The following NELL1 variants were observed in gnomAD, a reference collection of about 807,000 sequenced individuals.
NELL1 encodes the protein protein kinase C-binding protein NELL1.
In NELL1, 76 loss-of-function variants were observed where a neutral mutation model predicts 107.4. That is an observed-to-expected ratio of 0.71 (90% CI 0.59 to 0.86). NELL1 has a LOEUF of 0.86. NELL1 is among the 40% of genes least tolerant of loss of function. The pLI is 0.00. For synonymous variants in NELL1, 353 were observed against 341.2 expected, an observed-to-expected ratio of 1.03 and a Z score of -0.38; for missense variants, 1,024 against 1,005.5, an observed-to-expected ratio of 1.02 and a Z score of -0.25.
At position 20,669,843 on chromosome 11, in the gene NELL1, T is replaced by TG. The variant is rs1323743098; in HGVS notation, c.55+69dup. 1 of 1,356,010 alleles carries TG rather than the reference T, an allele frequency of 7.4e-7. No individual in the cohort carries two copies. The highest frequency in any genetic ancestry group is 1.7e-5 in the Admixed American group (1 of 59,192). The allele number at this position is 1,356,010 out of a possible 1,614,324, so 84.0% of individuals were successfully genotyped here. A position where few individuals can be genotyped will look rare whatever the true frequency, so the allele number is the denominator to read the frequency against. On this transcript the variant is annotated intron_variant, in intron 1 of 19. Transcript: ENST00000357134. This position sits in a 1 kb window ranked among gnomAD's most constrained non-coding sequence, Gnocchi z 4.4. ...GGGGTGCCCACAGACCACGGCGGCG[T>TG]GGGGAGACCTGGAGCCGAGCTTTGC...
At chr11:21,519,910 C>A (rs1298559818) in intron 15 of NELL1, among the ~76,000 whole-genome samples, 1 of 152,098 alleles carries the variant, frequency 6.6e-6, no homozygotes, top group Non-Finnish European at 1.5e-5. Context: ...TCAGAGGTAT[C>A]TTTCATACAT....
rs556002239 is a variant in NELL1, at chr11:20,699,883, T to G, written c.184+21823T>G. On this transcript the variant is annotated intron_variant, in intron 2 of 19. Transcript: ENST00000357134. ...TGTTTTCCATAGTGGTTGTACTGGT[T>G]TACATTCTTACCAGCAGTGTAAAAG... 6.5e-4 allele frequency among the ~76,000 whole-genome samples: 99 copies of G among 152,314 alleles called. 1 individual carries two copies. The highest frequency in any genetic ancestry group is 7.4e-5 in the Non-Finnish European group (5 of 68,024).
chr11:20,713,323 G>A (rs1005510516), intron 2 of NELL1, among the ~76,000 whole-genome samples: 3 of 152,140 alleles, frequency 2.0e-5, no homozygotes, highest in Non-Finnish European at 2.9e-5. Context: ...GACTCTTCTT[G>A]GGTGGGGCTT....
chr11:21,436,470 C>G (rs1254639278), intron 15 of NELL1, among the ~76,000 whole-genome samples: 1 of 152,020 alleles, frequency 6.6e-6, no homozygotes, highest in Admixed American at 6.6e-5. Context: ...ATTTGTTTTT[C>G]TATAGTATCA....
intron 13 of NELL1, among the ~76,000 whole-genome samples, chr11:21,170,471 C>A (rs1163646015): frequency 6.6e-6 from 1 of 151,744 alleles, no homozygotes. Flanking sequence ...TTTTATACCA[C>A]AATATATTGC....
chr11:21,401,648 A>C (rs1302434935), intron 15 of NELL1, among the ~76,000 whole-genome samples: 1 of 151,740 alleles, frequency 6.6e-6, no homozygotes, highest in Non-Finnish European at 1.5e-5. Flanking sequence ...ACTGAAACTT[A>C]ATGGTTAGAG....
chr11:21,234,205 T>C (rs1858140242), intron 14 of NELL1, among the ~76,000 whole-genome samples: 1 of 152,224 alleles, frequency 6.6e-6, no homozygotes, highest in South Asian at 2.1e-4. Flanking sequence ...AATGCAAGCA[T>C]GGGCTCCTAG....
intron 14 of NELL1, chr11:21,284,065 T>C (rs1849056375): frequency 8.1e-6 from 3 of 370,980 alleles, no homozygotes; most frequent in South Asian, 4.1e-5. Flanking sequence ...CCTCCACCTC[T>C]GCCTCACATG....
intron 13 of NELL1, among the ~76,000 whole-genome samples, chr11:21,203,667 G>C (rs1026868992): frequency 2.6e-5 from 4 of 152,084 alleles, no homozygotes. Flanking sequence ...GATGCTAGAT[G>C]GGTATTTTTC....
intron 15 of NELL1, among the ~76,000 whole-genome samples, chr11:21,380,876 A>T (rs1480122450): frequency 6.6e-6 from 1 of 152,072 alleles, no homozygotes; most frequent in Non-Finnish European, 1.5e-5. Flanking sequence ...TGTATTGATG[A>T]TCAGAGGCCT....
chr11:20,769,384 G>A (rs1295950953), intron 2 of NELL1: 1 of 152,244 alleles, frequency 6.6e-6, no homozygotes, highest in Non-Finnish European at 1.5e-5. Flanking sequence ...TGTTTGGGAA[G>A]TTACCAAGGG....
chr11:21,039,045 A>G (rs1331093476), intron 12 of NELL1, among the ~76,000 whole-genome samples: 1 of 152,194 alleles, frequency 6.6e-6, no homozygotes, highest in African/African-American at 2.4e-5. Context: ...AAGAAGGATC[A>G]AAAAGATCAA....
intron 13 of NELL1, among the ~76,000 whole-genome samples, chr11:21,155,770 G>C (rs1856218346): frequency 1.3e-5 from 2 of 152,136 alleles, no homozygotes; most frequent in African/African-American, 4.8e-5. Context: ...TGCTTGGGTG[G>C]AAGGAAATGA....
At chr11:21,190,564 C>G (rs1260360496) in intron 13 of NELL1, among the ~76,000 whole-genome samples, 1 of 151,672 alleles carries the variant, frequency 6.6e-6, no homozygotes, top group Non-Finnish European at 1.5e-5. Flanking sequence ...TCTTAAAATC[C>G]TTGAGAATTT....
intron 3 of NELL1, among the ~76,000 whole-genome samples, chr11:20,836,285 AAC>A (rs1313831651): frequency 6.6e-6 from 1 of 150,890 alleles, no homozygotes; most frequent in African/African-American, 2.4e-5. Context: ...AAAAAAAAAA[AAC>A]CCCAACAATA....
intron 5 of NELL1, among the ~76,000 whole-genome samples, chr11:20,906,816 G>A (rs1268791015): frequency 6.6e-6 from 1 of 151,904 alleles, no homozygotes; most frequent in Non-Finnish European, 1.5e-5. Flanking sequence ...AAAACACTAA[G>A]AAAATGAGCA....
At chr11:20,748,902 A>AT (rs1856066866) in intron 2 of NELL1, among the ~76,000 whole-genome samples, 3 of 147,350 alleles carry the variant, frequency 2.0e-5, no homozygotes, top group African/African-American at 7.9e-5. Context: ...CCATCCATCC[A>AT]CCCAGCCACC....
chr11:21,216,218 C>A (rs1791868), intron 13 of NELL1, among the ~76,000 whole-genome samples: 6 of 152,270 alleles, frequency 3.9e-5, no homozygotes, highest in East Asian at 1.9e-4. Context: ...GTTTGGGAAC[C>A]TCCACCTAGA....
chr11:21,470,040 A>G (rs948743473), intron 15 of NELL1, among the ~76,000 whole-genome samples: 2 of 152,106 alleles, frequency 1.3e-5, no homozygotes, highest in South Asian at 2.1e-4. Flanking sequence ...CCAAGCTTCA[A>G]TAGTAATTAA....
Sources: allele counts gnomAD v4.1 joint callset (sites outside exome capture counted in the v4.1 genomes callset), GRCh38; gene constraint gnomAD v4.1.1; non-coding constraint Gnocchi (gnomAD v3.1); transcripts MANE v1.5; gene names NCBI Gene and HGNC (gene_info 2026-07-23, HGNC 2026-07-21).